The following JRK variants were observed in gnomAD, a reference collection of about 807,000 sequenced individuals.
The protein encoded by JRK is jerky protein homolog.
For missense variants in JRK, 720 were observed against 509.2 expected (o/e 1.41, Z -3.98); for synonymous variants, 303 against 218.1 (o/e 1.39, Z -3.43).
chr8:142,644,147 A>G, the JRK span, among the ~76,000 whole-genome samples: 1 of 152,156 alleles, frequency 6.6e-6, no homozygotes, highest in East Asian at 1.9e-4. Flanking sequence ...CACCATCTCC[A>G]AAGCTATTAA....
rs1847071234 is a variant in JRK, at chr8:142,665,202, A to G, written c.857T>C (p.Ile286Thr). The change falls in exon 2 of 2, where the codon ATA becomes ACA. Residue 286 changes from isoleucine to threonine, a missense_variant. Physicochemically the swap from Ile to Thr is moderately conservative, Grantham distance 89. Transcript: ENST00000612905. ...VPSVREHFRT[I>T]GLPEDSKAVL... The stretch of plus-strand genomic sequence containing the variant: ...GGCTTTGCTGTCTTCCGGCAAACCT[A>G]TGGTTCTGAAGTGCTCTCTCACCGA... 2.8e-6 allele frequency: 2 copies of G among 717,690 alleles called. No individual in the cohort carries two copies. The highest frequency in any genetic ancestry group is 1.5e-5 in the South Asian group (1 of 67,606). The allele number at this position is 717,690 out of a possible 1,614,324, so 44.5% of individuals were successfully genotyped here.
At position 142,659,573 on chromosome 8, in the gene JRK, C is replaced by T. The variant is rs1355127549; in HGVS notation, c.*4779G>A. 23 of 985,446 alleles carry T rather than the reference C, an allele frequency of 2.3e-5. No homozygotes were observed. Among genetic ancestry groups the T allele is most frequent in the East Asian group, 2.3e-4 (2 of 8,822 alleles). 61.0% of individuals were successfully genotyped at this position (985,446 alleles called of 1,614,324 possible). A position where few individuals can be genotyped will look rare whatever the true frequency, so the allele number is the denominator to read the frequency against. On this transcript the variant is annotated 3_prime_UTR_variant, in exon 2 of 2. Transcript: ENST00000612905. ...GCAGGGCCTTGAGCAGGGAGGCCATCGTGCTGCCTAAGAGACCAGGACCCA... is the reference window on the plus strand; with the variant it reads ...GCAGGGCCTTGAGCAGGGAGGCCATTGTGCTGCCTAAGAGACCAGGACCCA...
At position 142,664,057 on chromosome 8, in the gene JRK, C is replaced by T. The variant is rs1251450251; in HGVS notation, c.*295G>A. On this transcript the variant is annotated 3_prime_UTR_variant, in exon 2 of 2. Coordinates refer to ENST00000612905, the MANE Select transcript of JRK (RefSeq NM_003724.4). ...AGACCAGATCGGCTCAGCCTGGCCC[C>T]CATTCCAGCCAGGGTGCGGCTCTGG... 5.0e-6 allele frequency: 6 copies of T among 1,206,264 alleles called. No homozygotes were observed. The highest frequency in any genetic ancestry group is 3.3e-4 in the Middle Eastern group (1 of 3,066). The allele number at this position is 1,206,264 out of a possible 1,614,324, so 74.7% of individuals were successfully genotyped here.
rs782378003 is a variant in JRK, at chr8:142,660,978, C to T, written c.*3374G>A. The stretch of plus-strand genomic sequence containing the variant: ...CTGGGGAAGCCGTGGGCAGGGGCTG[C>T]GACTTCCTTTCTTCCAATCAACTCC... On this transcript the variant is annotated 3_prime_UTR_variant, in exon 2 of 2. Transcript: ENST00000612905. The T allele has an allele frequency of 2.6e-4, 258 of 985,290 alleles. No homozygotes were observed. Among genetic ancestry groups the T allele is most frequent in the Non-Finnish European group, 3.0e-4 (251 of 829,950 alleles). 61.0% of individuals were successfully genotyped at this position (985,290 alleles called of 1,614,324 possible).
the JRK span, among the ~76,000 whole-genome samples, chr8:142,650,871 C>A: frequency 0.55 from 83,463 of 152,026 alleles, 24,230 homozygotes; most frequent in Admixed American, 0.66. Flanking sequence ...GTACACAATA[C>A]AAAATTAAGT....
chr8:142,667,396 G>C (rs1389085472), intron 1 of JRK, among the ~76,000 whole-genome samples: 1 of 151,754 alleles, frequency 6.6e-6, no homozygotes, highest in Admixed American at 6.6e-5. Context: ...AACCACGGCA[G>C]GGCCGCAGAG....
chr8:142,650,969 C>T, the JRK span, among the ~76,000 whole-genome samples: 1 of 152,172 alleles, frequency 6.6e-6, no homozygotes, highest in Non-Finnish European at 1.5e-5. Context: ...GGGAGTCTAG[C>T]ACCTTCTCCA....
At position 142,664,025 on chromosome 8, in the gene JRK, G is replaced by A. The variant is rs1368365865; in HGVS notation, c.*327C>T. On this transcript the variant is annotated 3_prime_UTR_variant, in exon 2 of 2. Coordinates refer to ENST00000612905, the MANE Select transcript of JRK (RefSeq NM_003724.4). Reference sequence around the variant, plus strand: ...TCTGATACTGCAATGATCAGCCAGCGAACACGAGACCAGATCGGCTCAGCC... The same window carrying A: ...TCTGATACTGCAATGATCAGCCAGCAAACACGAGACCAGATCGGCTCAGCC... The A allele has an allele frequency of 1.8e-6, 2 of 1,136,116 alleles. No homozygotes were observed. The highest frequency in any genetic ancestry group is 4.5e-5 in the Admixed American group (1 of 22,118). The allele number at this position is 1,136,116 out of a possible 1,614,324, so 70.4% of individuals were successfully genotyped here. A position where few individuals can be genotyped will look rare whatever the true frequency, so the allele number is the denominator to read the frequency against.
rs1383802631 is a variant in JRK at position 142,661,700 on chromosome 8, G to A, written c.*2652C>T. The A allele has an allele frequency of 6.1e-6, 6 of 985,406 alleles. No homozygotes were observed. The highest frequency in any genetic ancestry group is 1.2e-4 in the Admixed American group (2 of 16,272). 61.0% of individuals were successfully genotyped at this position (985,406 alleles called of 1,614,324 possible). Reference sequence around the variant, plus strand: ...GCTCCAGGGCTTCCCAGGGGCCTCAGCAGCCCCAGAAACAGAGTGAAGAGA... The same window carrying A: ...GCTCCAGGGCTTCCCAGGGGCCTCAACAGCCCCAGAAACAGAGTGAAGAGA... On this transcript the variant is annotated 3_prime_UTR_variant, in exon 2 of 2. Transcript: ENST00000612905.
In JRK at chr8:142,661,895, T is replaced by C. The variant is rs1195730556; in HGVS notation, c.*2457A>G. On this transcript the variant is annotated 3_prime_UTR_variant, in exon 2 of 2. Transcript: ENST00000612905. ...ACACGGCAGTCTCCATAAAGCGTTC[T>C]GGGGGACAGGACCGAGGCAAGAGGT... is the stretch of plus-strand genomic sequence containing the variant. The C allele has an allele frequency of 1.4e-5, 14 of 985,428 alleles. No homozygotes were observed. In the Admixed American group the frequency reaches 1.8e-4, roughly 13 times the overall value. 61.0% of individuals were successfully genotyped at this position (985,428 alleles called of 1,614,324 possible).
Position 142,658,908 on chromosome 8 carries a change from G to A in JRK, c.*5444C>T. 6.2e-7 allele frequency: 1 copy of A among 1,613,582 alleles called. No homozygotes were observed. The highest frequency in any genetic ancestry group is 8.5e-7 in the Non-Finnish European group (1 of 1,179,768). ...CACTTAGGAATTGCCAACTCCTCTG[G>A]TGAGGTCACTACCACATCCTCAAGG... is the stretch of plus-strand genomic sequence containing the variant. On this transcript the variant is annotated 3_prime_UTR_variant, in exon 2 of 2. Transcript: ENST00000612905.
At chr8:142,668,178 C>G (rs1847192305) in intron 1 of JRK, among the ~76,000 whole-genome samples, 1 of 152,250 alleles carries the variant, frequency 6.6e-6, no homozygotes, top group Admixed American at 6.5e-5. Flanking sequence ...CTGCTTCTGC[C>G]AACTCCATGC....
chr8:142,661,502 A>C lies in JRK; in HGVS notation c.*2850T>G, dbSNP rs1554634557. The C allele has an allele frequency of 1.0e-6, 1 of 985,420 alleles. No homozygotes were observed. Among genetic ancestry groups the C allele is most frequent in the African/African-American group, 1.7e-5 (1 of 57,248 alleles). The allele number at this position is 985,420 out of a possible 1,614,324, so 61.0% of individuals were successfully genotyped here. ...ATTAGCAGGCTGGAAGCAGCCACAG[A>C]GGTCCCAAACCATATGACGCAGCAC... is the stretch of plus-strand genomic sequence containing the variant. On this transcript the variant is annotated 3_prime_UTR_variant, in exon 2 of 2. Coordinates refer to ENST00000612905, the MANE Select transcript of JRK (RefSeq NM_003724.4).
At chr8:142,654,764 G>C (rs587727599), downstream of JRK, among the ~76,000 whole-genome samples, 13 of 151,976 alleles carry the variant, frequency 8.6e-5, no homozygotes, top group East Asian at 2.5e-3. Context: ...CCAGCTCAAG[G>C]GTCAAGGGGC....
the JRK span, among the ~76,000 whole-genome samples, chr8:142,651,242 T>G: frequency 6.6e-6 from 1 of 152,194 alleles, no homozygotes; most frequent in African/African-American, 2.4e-5. Context: ...TAACTTTAAT[T>G]TATCTGACTT....
In JRK at chr8:142,665,343, C is replaced by A. The variant is rs1554635639; in HGVS notation, c.716G>T (p.Ser239Ile). Residue 239 changes from serine to isoleucine, a missense_variant, in exon 2 of 2, where the codon AGC becomes ATC. Physicochemically the swap from Ser to Ile is moderately radical, Grantham distance 142. Coordinates refer to ENST00000612905, the MANE Select transcript of JRK (RefSeq NM_003724.4). ...GATGCCTTTGAAAGCCCTGGGACCGCTGCACTTCCCGATGGCCAAGGGCTT... is the reference window on the plus strand; with the variant it reads ...GATGCCTTTGAAAGCCCTGGGACCGATGCACTTCCCGATGGCCAAGGGCTT... ...RLKPLAIGKC[S>I]GPRAFKGIQH... The A allele has an allele frequency of 1.4e-6, 1 of 717,666 alleles. No individual in the cohort carries two copies. Among genetic ancestry groups the A allele is most frequent in the African/African-American group, 1.7e-5 (1 of 57,394 alleles). The allele number at this position is 717,666 out of a possible 1,614,324, so 44.5% of individuals were successfully genotyped here.
chr8:142,661,084 G>C lies in JRK; in HGVS notation c.*3268C>G. 1 of 985,448 alleles carries C rather than the reference G, an allele frequency of 1.0e-6. No homozygotes were observed. The highest frequency in any genetic ancestry group is 1.2e-6 in the Non-Finnish European group (1 of 829,970). 61.0% of individuals were successfully genotyped at this position (985,448 alleles called of 1,614,324 possible). Reference sequence around the variant, plus strand: ...AGGGGCAGTCCAGGTGCTCTCCATCGCATGCTCAGCCATGGCTGAGCACGA... The same window carrying C: ...AGGGGCAGTCCAGGTGCTCTCCATCCCATGCTCAGCCATGGCTGAGCACGA... On this transcript the variant is annotated 3_prime_UTR_variant, in exon 2 of 2. Transcript: ENST00000612905.
chr8:142,653,042 A>G (rs587603399), downstream of JRK, among the ~76,000 whole-genome samples: 1 of 152,338 alleles, frequency 6.6e-6, no homozygotes, highest in South Asian at 2.1e-4. Flanking sequence ...ACCATGGTGA[A>G]GAGACCTCTG....
At position 142,659,434 on chromosome 8, in the gene JRK, G is replaced by A; in HGVS notation, c.*4918C>T. 2.0e-6 allele frequency: 2 copies of A among 986,292 alleles called. No homozygotes were observed. Among genetic ancestry groups the A allele is most frequent in the Non-Finnish European group, 2.4e-6 (2 of 830,508 alleles). 61.1% of individuals were successfully genotyped at this position (986,292 alleles called of 1,614,324 possible). ...ACCTGCAGACATAGAGGGCCTTTGAGCACCTCGTAGCTTGCTTCCCAGCCA... is the reference window on the plus strand; with the variant it reads ...ACCTGCAGACATAGAGGGCCTTTGAACACCTCGTAGCTTGCTTCCCAGCCA... On this transcript the variant is annotated 3_prime_UTR_variant, in exon 2 of 2. Transcript: ENST00000612905.
Sources: allele counts gnomAD v4.1 joint callset (sites outside exome capture counted in the v4.1 genomes callset), GRCh38; gene constraint gnomAD v4.1.1; transcripts MANE v1.5; gene names NCBI Gene and HGNC (gene_info 2026-07-23, HGNC 2026-07-21).